The following CR1 variants were observed in gnomAD, a reference collection of about 807,000 sequenced individuals.
The protein encoded by CR1 is complement C3b/C4b receptor 1 (Knops blood group).
CR1 carries 116 observed loss-of-function variants against 187.3 expected under a neutral mutation model. The observed-to-expected ratio is 0.62, with a 90% confidence interval of 0.53 to 0.72. CR1 has a LOEUF of 0.72. CR1 is among the 30% of genes least tolerant of loss of function. The probability of loss-of-function intolerance (pLI) is 0.00; values close to 1 mark genes in which losing one functional copy is unlikely to be tolerated. For synonymous variants in CR1, 576 were observed against 747.1 expected (o/e 0.77, Z 3.73); for missense variants, 1,731 against 2,110.7 (o/e 0.82, Z 3.52).
intron 24 of CR1, among the ~76,000 whole-genome samples, chr1:207,566,889 C>T (rs1660516403): frequency 6.7e-6 from 1 of 150,114 alleles, no homozygotes; most frequent in Non-Finnish European, 1.5e-5. Flanking sequence ...TATACTTGGA[C>T]ATCTTACAGT....
chr1:207,582,280 A>C (rs1056069644), intron 32 of CR1, among the ~76,000 whole-genome samples: 2 of 152,162 alleles, frequency 1.3e-5, no homozygotes, highest in East Asian at 1.9e-4. Flanking sequence ...TGCTAGGCTA[A>C]ATTTTTCTCT....
intron 36 of CR1, 86 bp from the exon 37 acceptor site, chr1:207,609,204 A>G (rs1661836435): frequency 1.6e-6 from 2 of 1,229,468 alleles, no homozygotes; most frequent in Non-Finnish European, 2.2e-6. Context: ...AAATCATTGG[A>G]TTATTTGCAT....
intron 39 of CR1, among the ~76,000 whole-genome samples, chr1:207,613,784 G>C (rs1223523337): frequency 6.6e-6 from 1 of 152,124 alleles, no homozygotes; most frequent in Non-Finnish European, 1.5e-5. Flanking sequence ...AATGATTTCA[G>C]ATTTCAGAAG....
intron 4 of CR1, among the ~76,000 whole-genome samples, chr1:207,514,207 A>T (rs1571506588): frequency 6.6e-6 from 1 of 152,348 alleles, no homozygotes; most frequent in African/African-American, 2.4e-5. Flanking sequence ...CATAATATTT[A>T]ATCATTTTTA....
chr1:207,566,948 T>C lies in CR1; in HGVS notation c.3953-876T>C, dbSNP rs754354810. ...AGAACATAACTTATATAGAGATTCTTGCTGTCTAAGAAATCCAGTGCTCCT... is the reference window on the plus strand; with the variant it reads ...AGAACATAACTTATATAGAGATTCTCGCTGTCTAAGAAATCCAGTGCTCCT... On this transcript the variant is annotated intron_variant, in intron 24 of 46. Transcript: ENST00000367049. Among the ~76,000 whole-genome samples the C allele has an allele frequency of 2.0e-5, 3 of 150,442 alleles. 1 individual carries two copies. Among genetic ancestry groups the C allele is most frequent in the African/African-American group, 5.0e-5 (2 of 39,794 alleles).
chr1:207,581,190 G>GGACACGTATATGTAGACGTATACATAT (rs1660928458), intron 31 of CR1, among the ~76,000 whole-genome samples: 1 of 149,184 alleles, frequency 6.7e-6, no homozygotes, highest in African/African-American at 2.5e-5. Context: ...GTGTATACAT[G>GGACACGTATATGTAGACGTATACATAT]GACACGTATA....
chr1:207,583,212 T>C (rs1661014404), intron 32 of CR1, among the ~76,000 whole-genome samples: 1 of 152,156 alleles, frequency 6.6e-6, no homozygotes, highest in Non-Finnish European at 1.5e-5. Flanking sequence ...GGAAGCCAAG[T>C]ATGGAAATTA....
chr1:207,512,147 C>G lies in CR1; in HGVS notation c.487+493C>G, dbSNP rs184953889. On this transcript the variant is annotated intron_variant, in intron 4 of 46. Coordinates refer to ENST00000367049, the MANE Select transcript of CR1 (RefSeq NM_000651.6). Reference sequence around the variant, plus strand: ...TTTATACTTAGGAAATAATCACACACTTTTTAAAGTAGTTTGGTATAAACT... The same window carrying G: ...TTTATACTTAGGAAATAATCACACAGTTTTTAAAGTAGTTTGGTATAAACT... 1.1e-4 allele frequency among the ~76,000 whole-genome samples: 16 copies of G among 152,288 alleles called. No individual in the cohort carries two copies. In the East Asian group the frequency reaches 2.9e-3, roughly 28 times the overall value.
chr1:207,593,831 G>T (rs1328909250), intron 35 of CR1, among the ~76,000 whole-genome samples: 2 of 152,192 alleles, frequency 1.3e-5, no homozygotes, highest in African/African-American at 4.8e-5. Context: ...AGACATTTAT[G>T]CAGCCAACAA....
At chr1:207,578,692 A>G (rs1453540458) in intron 29 of CR1, among the ~76,000 whole-genome samples, 5 of 152,252 alleles carry the variant, frequency 3.3e-5, no homozygotes, top group Non-Finnish European at 7.3e-5. Context: ...TTAAAATGCA[A>G]GTGTATCAGA....
intron 4 of CR1, among the ~76,000 whole-genome samples, chr1:207,521,194 C>G (rs1179115435): frequency 6.6e-6 from 1 of 151,986 alleles, no homozygotes; most frequent in Non-Finnish European, 1.5e-5. Flanking sequence ...CCAGGCTGGT[C>G]TCAAACTCCT....
chr1:207,593,084 C>CAAAAA (rs57700679), intron 35 of CR1, among the ~76,000 whole-genome samples: 12,109 of 82,500 alleles, frequency 0.15, 856 homozygotes, highest in South Asian at 0.33. Flanking sequence ...CACAGAATTA[C>CAAAAA]AAAAAAAAAA....
chr1:207,625,648 G>A (rs567542179), intron 45 of CR1, among the ~76,000 whole-genome samples: 1 of 152,252 alleles, frequency 6.6e-6, no homozygotes, highest in Admixed American at 6.5e-5. Context: ...GAACACAGGG[G>A]CTAGGGTTTT....
chr1:207,640,682 A>G lies in CR1; in HGVS notation c.*1273A>G, dbSNP rs371442154. On this transcript the variant is annotated 3_prime_UTR_variant, in exon 47 of 47. Transcript: ENST00000367049. ...TGTTCTTTAACCAGTCCACATCTTT[A>G]GAGAACAAAAATGTGTTATGATATT... The G allele has an allele frequency of 7.2e-5, 11 of 152,368 alleles. No homozygotes were observed. The East Asian group carries it at 1.7e-3, about 24-fold the overall frequency. The allele number at this position is 152,368 out of a possible 1,614,324, so 9.4% of individuals were successfully genotyped here.
chr1:207,578,409 C>T (rs887699529), intron 29 of CR1, among the ~76,000 whole-genome samples: 19 of 152,104 alleles, frequency 1.2e-4, no homozygotes, highest in African/African-American at 4.3e-4. Flanking sequence ...CCTTAATTAG[C>T]CAAGAAAAAA....
Position 207,584,880 on chromosome 1 carries a change from A to G in CR1, c.5530+4A>G, listed in dbSNP as rs759638793. On this transcript the variant is annotated splice_donor_region_variant and intron_variant, in intron 33 of 46. Coordinates refer to ENST00000367049, the MANE Select transcript of CR1 (RefSeq NM_000651.6). The stretch of plus-strand genomic sequence containing the variant: ...TGTGAACTTTCTGTTCGTGCTGGTC[A>G]GTATCCACTTCCACATATCCTAAAT... 5.0e-6 allele frequency: 8 copies of G among 1,613,958 alleles called. No individual in the cohort carries two copies. The highest frequency in any genetic ancestry group is 1.1e-5 in the South Asian group (1 of 91,084).
chr1:207,521,596 C>A (rs115127144), intron 4 of CR1, among the ~76,000 whole-genome samples: 2,056 of 125,172 alleles, frequency 0.016, 55 homozygotes, highest in African/African-American at 0.057. Context: ...CAATTCTAGA[C>A]TTTTTATTTT....
chr1:207,639,441 A>C lies in CR1; in HGVS notation c.*32A>C, dbSNP rs1477629536. ...ACTATACAGCTGAAGAACATCTCGA[A>C]TACAATTTTGGTGGGAAAGGAGCCA... On this transcript the variant is annotated 3_prime_UTR_variant, in exon 47 of 47. Coordinates refer to ENST00000367049, the MANE Select transcript of CR1 (RefSeq NM_000651.6). 1.2e-5 allele frequency: 19 copies of C among 1,587,508 alleles called. No homozygotes were observed. The highest frequency in any genetic ancestry group is 1.6e-5 in the Non-Finnish European group (19 of 1,164,962).
intron 32 of CR1, among the ~76,000 whole-genome samples, chr1:207,583,700 T>C (rs1276319536): frequency 6.6e-6 from 1 of 152,214 alleles, no homozygotes; most frequent in Non-Finnish European, 1.5e-5. Context: ...ATTTATATGA[T>C]GAAAATGATA....
Sources: allele counts gnomAD v4.1 joint callset (sites outside exome capture counted in the v4.1 genomes callset), GRCh38; gene constraint gnomAD v4.1.1; transcripts MANE v1.5; gene names NCBI Gene and HGNC (gene_info 2026-07-23, HGNC 2026-07-21).